MYO9B: variants seen among roughly 807,000 people sequenced by gnomAD.
The protein encoded by MYO9B is unconventional myosin-IXb.
MYO9B carries 71 observed loss-of-function variants against 229.5 expected under a neutral mutation model. The observed-to-expected ratio is 0.31, with a 90% CI of 0.26 to 0.38. MYO9B has a LOEUF of 0.38. Ranked by LOEUF, MYO9B falls within the 10% of genes least tolerant of loss-of-function variation. The pLI is 1.00. For missense variants in MYO9B, 2,255 were observed against 2,920.5 expected, an observed-to-expected ratio of 0.77 and a Z score of 5.25; for synonymous variants, 1,185 against 1,235.8, an observed-to-expected ratio of 0.96 and a Z score of 0.86.
chr19:17,147,542 CAAAAAAAAAA>C (rs71334674), intron 3 of MYO9B, among the ~76,000 whole-genome samples: 1 of 64,338 alleles, frequency 1.6e-5, no homozygotes, highest in Admixed American at 1.9e-4. Flanking sequence ...AAGTCCATCT[CAAAAAAAAAA>C]AAAAAAAAAC....
intron 1 of MYO9B, among the ~76,000 whole-genome samples, chr19:17,090,004 G>T (rs1414429316): frequency 6.6e-6 from 1 of 151,816 alleles, no homozygotes; most frequent in Non-Finnish European, 1.5e-5. Context: ...TGGCATTCTG[G>T]ACATTTCTAT....
intron 1 of MYO9B, among the ~76,000 whole-genome samples, chr19:17,085,896 C>T (rs904472727): frequency 6.6e-6 from 1 of 152,112 alleles, no homozygotes; most frequent in Non-Finnish European, 1.5e-5. Flanking sequence ...CTTCCAGACC[C>T]GCGTCCCTGG....
chr19:17,148,319 C>G (rs540065102), intron 3 of MYO9B, among the ~76,000 whole-genome samples: 1 of 152,312 alleles, frequency 6.6e-6, no homozygotes, highest in South Asian at 2.1e-4. Context: ...CGCCCCCTTT[C>G]CAACATTATC....
chr19:17,114,492 G>T (rs1479375809), intron 2 of MYO9B, among the ~76,000 whole-genome samples: 1 of 151,972 alleles, frequency 6.6e-6, no homozygotes, highest in African/African-American at 2.4e-5. Context: ...TGAGGATCTG[G>T]CTTTCCAAGA....
intron 3 of MYO9B, among the ~76,000 whole-genome samples, chr19:17,150,419 A>G (rs1035796764): frequency 2.6e-5 from 4 of 152,100 alleles, no homozygotes; most frequent in Non-Finnish European, 5.9e-5. Context: ...AAAAAAAAAA[A>G]AAAGACTGCT....
chr19:17,206,433 C>G, intron 33 of MYO9B, 57 bp downstream of exon 33: 1 of 1,584,420 alleles, frequency 6.3e-7, no homozygotes, highest in Non-Finnish European at 8.5e-7. Context: ...ATACAGCGTT[C>G]GCTGTGACCA....
At chr19:17,132,842 T>C (rs764990382) in intron 2 of MYO9B, among the ~76,000 whole-genome samples, 30 of 150,198 alleles carry the variant, frequency 2.0e-4, no homozygotes, top group Non-Finnish European at 4.1e-4. Flanking sequence ...TTATTTCTTT[T>C]TTATTTATTT....
At chr19:17,106,754 C>A (rs1193713620) in intron 2 of MYO9B, among the ~76,000 whole-genome samples, 1 of 152,106 alleles carries the variant, frequency 6.6e-6, no homozygotes, top group Non-Finnish European at 1.5e-5. Flanking sequence ...TGCAAGACCC[C>A]ATCTCTACCA....
chr19:17,130,122 C>T (rs1599353333), intron 2 of MYO9B, among the ~76,000 whole-genome samples: 1 of 152,194 alleles, frequency 6.6e-6, no homozygotes, highest in Admixed American at 6.5e-5. Flanking sequence ...CCTGGCCTCC[C>T]TAAAATGTTA....
In MYO9B at chr19:17,161,614, G is replaced by A. The variant is rs577624433; in HGVS notation, c.1420-736G>A. Among the ~76,000 whole-genome samples the A allele has an allele frequency of 7.9e-5, 12 of 152,092 alleles. No homozygotes were observed. The East Asian group carries it at 2.3e-3, about 30-fold the overall frequency. ...GCAGATCGCTTGAGGCCATGAGTTCGAGACCAGCCTGGCCAACATGGCAAA... is the reference window on the plus strand; with the variant it reads ...GCAGATCGCTTGAGGCCATGAGTTCAAGACCAGCCTGGCCAACATGGCAAA... On this transcript the variant is annotated intron_variant, in intron 8 of 39. Transcript: ENST00000682292.
chr19:17,197,348 G>A (rs1006107357), intron 22 of MYO9B, among the ~76,000 whole-genome samples: 2 of 151,964 alleles, frequency 1.3e-5, no homozygotes, highest in African/African-American at 4.8e-5. Context: ...AGGATGGATG[G>A]GTGGAAGATA....
At chr19:17,094,014 CTTT>C (rs1231115620) in intron 1 of MYO9B, among the ~76,000 whole-genome samples, 1 of 118,302 alleles carries the variant, frequency 8.5e-6, no homozygotes, top group Non-Finnish European at 1.7e-5. Flanking sequence ...CTGCAGCTGG[CTTT>C]GTTGTTGTTG....
intron 16 of MYO9B, 189 bp downstream of exon 16, chr19:17,184,057 AG>A: frequency 1.6e-6 from 1 of 626,472 alleles, no homozygotes; most frequent in Non-Finnish European, 2.7e-6. Context: ...TCCCAGAAGC[AG>A]GGTCTGAGAT....
chr19:17,126,083 A>G (rs1251451727), intron 2 of MYO9B, among the ~76,000 whole-genome samples: 8 of 152,034 alleles, frequency 5.3e-5, no homozygotes, highest in Non-Finnish European at 1.2e-4. Flanking sequence ...CATCCCCGAC[A>G]TGGCCCCCAC....
At chr19:17,092,722 CAAAAAA>C (rs3067821) in intron 1 of MYO9B, among the ~76,000 whole-genome samples, 5 of 97,654 alleles carry the variant, frequency 5.1e-5, no homozygotes, top group Admixed American at 1.1e-4. Flanking sequence ...AAGGCTCCGT[CAAAAAA>C]AAAAAAAAAA....
chr19:17,147,605 C>T (rs929146367), intron 3 of MYO9B, among the ~76,000 whole-genome samples: 21 of 145,812 alleles, frequency 1.4e-4, no homozygotes, highest in African/African-American at 4.0e-4. Flanking sequence ...ATTAGCTGGG[C>T]GTGGTGGTGC....
At chr19:17,188,189 G>T in intron 19 of MYO9B, 144 bp downstream of exon 19, 1 of 637,048 alleles carries the variant, frequency 1.6e-6, no homozygotes, top group Non-Finnish European at 2.7e-6. Flanking sequence ...AGCACCTTGG[G>T]AGGCTGAGGC....
intron 17 of MYO9B, 87 bp downstream of exon 17, chr19:17,185,074 CT>C (rs2072902698): frequency 1.6e-5 from 25 of 1,582,912 alleles, no homozygotes; most frequent in Non-Finnish European, 2.2e-5. Context: ...CAGCCCGTCT[CT>C]AGTAAAAATA....
chr19:17,207,381 T>C, intron 35 of MYO9B, 137 bp downstream of exon 35: 1 of 1,248,806 alleles, frequency 8.0e-7, no homozygotes. Flanking sequence ...CCTGTAATCC[T>C]AGCTACTTTG....
Sources: gnomAD v4.1 joint callset for allele counts (sites outside exome capture counted in the v4.1 genomes callset) on GRCh38, gnomAD v4.1.1 for gene constraint, MANE v1.5 for transcripts, NCBI Gene and HGNC (gene_info 2026-07-23, HGNC 2026-07-21) for gene names.